PIP5K1B: variants seen among roughly 807,000 people sequenced by gnomAD.
PIP5K1B encodes the protein phosphatidylinositol-4-phosphate 5-kinase type 1 beta.
A neutral mutation model predicts 67.0 loss-of-function variants in PIP5K1B; 42 were observed. That is an observed-to-expected ratio of 0.63 (90% CI 0.49 to 0.81). The LOEUF is 0.81. Among genes scored for constraint, PIP5K1B ranks in the 30% least tolerant of loss-of-function variants. The pLI is 0.00. For synonymous variants in PIP5K1B, 214 were observed against 231.4 expected, an observed-to-expected ratio of 0.92 and a Z score of 0.68; for missense variants, 459 against 646.3, an observed-to-expected ratio of 0.71 and a Z score of 3.14.
At chr9:68,787,697 A>G (rs1003645168) in intron 2 of PIP5K1B, among the ~76,000 whole-genome samples, 4 of 151,838 alleles carry the variant, frequency 2.6e-5, no homozygotes, top group African/African-American at 7.3e-5. Flanking sequence ...CAGGGGTGCA[A>G]TCTTGGCTCC....
chr9:68,815,591 A>C (rs916211061), intron 2 of PIP5K1B, among the ~76,000 whole-genome samples: 1 of 152,114 alleles, frequency 6.6e-6, no homozygotes, highest in Admixed American at 6.5e-5. Flanking sequence ...ATAAACTATA[A>C]ATTACCAAAA....
chr9:68,929,227 G>A (rs138724476), intron 12 of PIP5K1B, among the ~76,000 whole-genome samples: 203 of 151,446 alleles, frequency 1.3e-3, no homozygotes, highest in African/African-American at 4.7e-3. Flanking sequence ...ATGAAGCCAT[G>A]TGGGTTTGGA....
At chr9:68,940,976 A>G (rs1373812556) in intron 14 of PIP5K1B, 186 bp downstream of exon 14, 1 of 689,736 alleles carries the variant, frequency 1.4e-6, no homozygotes, top group African/African-American at 1.8e-5. Context: ...GAAAACCCTC[A>G]TGATTTTTCT....
In PIP5K1B at chr9:68,894,599, A is replaced by G. The variant is rs562205037; in HGVS notation, c.732A>G (p.Thr244=). The part of the protein sequence containing the change: ...MHEGLYFDTE[T]YNALMKTLQR... ...AAGGGTTGTATTTTGATACGGAAAC[A>G]TACAACGCGCTTATGAAAACACTTC... Residue 244 remains threonine (T), a synonymous_variant, in exon 8 of 16, where the codon ACA becomes ACG. Coordinates refer to ENST00000265382, the MANE Select transcript of PIP5K1B (RefSeq NM_003558.4). 45 of 1,614,032 alleles carry G rather than the reference A, an allele frequency of 2.8e-5. No homozygotes were observed. In the Middle Eastern group the frequency reaches 1.5e-3, roughly 53 times the overall value.
At chr9:68,767,363 G>A (rs1458006641) in intron 2 of PIP5K1B, among the ~76,000 whole-genome samples, 2 of 152,166 alleles carry the variant, frequency 1.3e-5, no homozygotes, top group Admixed American at 6.5e-5. Flanking sequence ...GGAGGCCGAG[G>A]CGGGTGGATC....
chr9:68,759,787 T>C (rs1830105187), intron 2 of PIP5K1B, among the ~76,000 whole-genome samples: 1 of 152,114 alleles, frequency 6.6e-6, no homozygotes, highest in Admixed American at 6.6e-5. Flanking sequence ...TTATATTGAT[T>C]TCATGCTGAA....
intron 8 of PIP5K1B, among the ~76,000 whole-genome samples, chr9:68,912,761 C>T (rs1825914502): frequency 6.6e-6 from 1 of 152,184 alleles, no homozygotes; most frequent in African/African-American, 2.4e-5. Context: ...ACACCAGCTC[C>T]TGCTAGCAGT....
chr9:68,803,460 G>A (rs540492838), intron 2 of PIP5K1B, among the ~76,000 whole-genome samples: 23 of 152,334 alleles, frequency 1.5e-4, no homozygotes, highest in Non-Finnish European at 2.9e-4. Context: ...GTGGAAGCCT[G>A]CCAGAGAGCC....
chr9:68,949,764 T>C (rs572285459), intron 14 of PIP5K1B, among the ~76,000 whole-genome samples: 1 of 152,164 alleles, frequency 6.6e-6, no homozygotes, highest in Non-Finnish European at 1.5e-5. Context: ...TCAGAGAGAC[T>C]CCAGCGCCGA....
intron 8 of PIP5K1B, among the ~76,000 whole-genome samples, chr9:68,897,551 TC>T (rs1825150843): frequency 6.6e-6 from 1 of 152,164 alleles, no homozygotes; most frequent in Non-Finnish European, 1.5e-5. Flanking sequence ...CACAATGTGT[TC>T]CGGGAGCTAT....
chr9:68,944,273 G>T (rs896598481), intron 14 of PIP5K1B, among the ~76,000 whole-genome samples: 3 of 152,112 alleles, frequency 2.0e-5, no homozygotes, highest in Non-Finnish European at 4.4e-5. Flanking sequence ...TTAAAAAGAG[G>T]TATAAATTGA....
Position 69,008,461 on chromosome 9 carries a change from G to A in PIP5K1B, c.*12G>A. Reference sequence around the variant, plus strand: ...GCTCCCCCCAGTAAGTGAAAATGGTGATCACCTAAGCACATGGATGAGACG... The same window carrying A: ...GCTCCCCCCAGTAAGTGAAAATGGTAATCACCTAAGCACATGGATGAGACG... On this transcript the variant is annotated 3_prime_UTR_variant, in exon 16 of 16. Transcript: ENST00000265382. 6.2e-7 allele frequency: 1 copy of A among 1,613,628 alleles called. No homozygotes were observed. The highest frequency in any genetic ancestry group is 8.5e-7 in the Non-Finnish European group (1 of 1,179,544).
intron 2 of PIP5K1B, chr9:68,780,812 A>AT: frequency 6.2e-7 from 1 of 1,614,102 alleles, no homozygotes; most frequent in Non-Finnish European, 8.5e-7. Flanking sequence ...AGCCAAAGAG[A>AT]TTTTTCCAGG....
chr9:68,879,102 T>C (rs1824045438), intron 6 of PIP5K1B, among the ~76,000 whole-genome samples: 1 of 152,342 alleles, frequency 6.6e-6, no homozygotes, highest in Non-Finnish European at 1.5e-5. Flanking sequence ...ATTGACAAGA[T>C]ATTTGATGGT....
intron 2 of PIP5K1B, among the ~76,000 whole-genome samples, chr9:68,790,596 GCA>G (rs59234219): frequency 6.6e-6 from 1 of 151,692 alleles, no homozygotes; most frequent in African/African-American, 2.4e-5. Flanking sequence ...ACATGAGCGC[GCA>G]CACACACACA....
intron 1 of PIP5K1B, among the ~76,000 whole-genome samples, chr9:68,732,032 G>A (rs1828461102): frequency 6.6e-6 from 1 of 152,192 alleles, no homozygotes; most frequent in Non-Finnish European, 1.5e-5. Context: ...GGATTCCTGA[G>A]CCTCCACCGA....
intron 14 of PIP5K1B, among the ~76,000 whole-genome samples, chr9:68,978,562 C>G (rs1829740860): frequency 6.6e-6 from 1 of 152,172 alleles, no homozygotes; most frequent in Non-Finnish European, 1.5e-5. Context: ...GGGAAGCTCC[C>G]TAAGTTGGTG....
Position 68,926,085 on chromosome 9 carries a change from G to A in PIP5K1B, c.1201+2699G>A, listed in dbSNP as rs142846808. On this transcript the variant is annotated intron_variant, in intron 12 of 15. Coordinates refer to ENST00000265382, the MANE Select transcript of PIP5K1B (RefSeq NM_003558.4). ...GCTGGGATTACAGGCTTAAGCCACC[G>A]CGCCCTGCTGTGTTTCCAATTTTTA... is the stretch of plus-strand genomic sequence containing the variant. 3.1e-3 allele frequency among the ~76,000 whole-genome samples: 465 copies of A among 151,742 alleles called. 2 individuals are homozygous for A. Among genetic ancestry groups the A allele is most frequent in the African/African-American group, 0.01 (434 of 41,372 alleles).
At chr9:68,835,082 G>A (rs1347341798) in intron 4 of PIP5K1B, among the ~76,000 whole-genome samples, 6 of 152,236 alleles carry the variant, frequency 3.9e-5, no homozygotes, top group African/African-American at 1.4e-4. Flanking sequence ...AAACATCATA[G>A]TCAATGCCCT....
Sources: gnomAD v4.1 joint callset for allele counts (sites outside exome capture counted in the v4.1 genomes callset) on GRCh38, gnomAD v4.1.1 for gene constraint, MANE v1.5 for transcripts, NCBI Gene and HGNC (gene_info 2026-07-23, HGNC 2026-07-21) for gene names.